CES5A: variants seen among roughly 807,000 people sequenced by gnomAD.
The protein encoded by CES5A is carboxylesterase 5.
A neutral mutation model predicts 62.9 loss-of-function variants in CES5A; 67 were observed. The ratio of observed to expected loss-of-function variants is 1.07; its 90% CI spans 0.88 to 1.31. The LOEUF (loss-of-function observed/expected upper bound fraction) is 1.31, where lower values mean the gene tolerates loss of function less well. Ranked by LOEUF, CES5A falls within the 50% of genes most tolerant of loss-of-function variation. CES5A has a pLI of 0.00. For missense variants in CES5A, 748 were observed against 708.5 expected (o/e 1.06, Z -0.63); for synonymous variants, 296 against 280.8 (o/e 1.05, Z -0.54).
At chr16:55,883,207 G>A (rs1160386569) in intron 1 of CES5A, among the ~76,000 whole-genome samples, 1 of 152,178 alleles carries the variant, frequency 6.6e-6, no homozygotes, top group East Asian at 1.9e-4. Context: ...GCAGCAGCCA[G>A]ACTGATGAAT....
intron 9 of CES5A, among the ~76,000 whole-genome samples, chr16:55,854,544 C>CTTTT (rs56017491): frequency 0.025 from 1,600 of 64,370 alleles, 337 homozygotes; most frequent in African/African-American, 0.1. Context: ...TTTTTTTTTT[C>CTTTT]TTTTTTTTTT....
chr16:55,854,531 C>CTTTTTTTTTTCTTTTTTTTTTTTTTTTT (rs1555479324), intron 9 of CES5A, among the ~76,000 whole-genome samples: 1 of 52,162 alleles, frequency 1.9e-5, no homozygotes, highest in African/African-American at 9.0e-5. Flanking sequence ...TGTAGTGTTT[C>CTTTTTTTTTTCTTTTTTTTTTTTTTTTT]TTTTTTTTTT....
Position 55,856,422 on chromosome 16 carries a change from A to G in CES5A, c.1080T>C (p.Ser360=), listed in dbSNP as rs562371224. 1 of 1,614,094 alleles carries G rather than the reference A, an allele frequency of 6.2e-7. No homozygotes were observed. Among genetic ancestry groups the G allele is most frequent in the African/African-American group, 1.3e-5 (1 of 75,034 alleles). The part of the protein sequence containing the change: ...LPMKEAPEIL[S]GSNKSLALHL... The stretch of plus-strand genomic sequence containing the variant: ...GGAGGGCAAGGGACTTGTTGGAGCC[A>G]CTGAGGATCTCAGGAGCCTCCTTCT... The change falls in exon 9 of 13, where the codon AGT becomes AGC. Residue 360 remains serine (S), a synonymous_variant. Transcript: ENST00000290567.
At chr16:55,869,408 T>G in intron 4 of CES5A, 1 of 990,778 alleles carries the variant, frequency 1.0e-6, no homozygotes, top group Non-Finnish European at 1.4e-6. Flanking sequence ...TTTACCCAAG[T>G]GAGAAAGAGA....
Position 55,852,944 on chromosome 16 carries a change from G to T in CES5A, c.1210C>A (p.Leu404Met). ...HSLTEIRDSLLDLLGDVFFVV... is the reference protein window; with the variant it reads ...HSLTEIRDSLMDLLGDVFFVV... ...AAGAACACATCTCCAAGCAAGTCCAGAAGACTGTCTCGGATTTCAGTCAGG... is the reference window on the plus strand; with the variant it reads ...AAGAACACATCTCCAAGCAAGTCCATAAGACTGTCTCGGATTTCAGTCAGG... The change falls in exon 10 of 13, where the codon CTG (leucine) becomes ATG (methionine). Residue 404 changes from leucine to methionine, a missense_variant. Coordinates refer to ENST00000290567, the MANE Select transcript of CES5A (RefSeq NM_001143685.2). 6.2e-7 allele frequency: 1 copy of T among 1,614,164 alleles called. No individual in the cohort carries two copies. The highest frequency in any genetic ancestry group is 8.5e-7 in the Non-Finnish European group (1 of 1,180,010).
intron 5 of CES5A, 33 bp from the exon 6 acceptor site, chr16:55,863,485 T>C (rs781538832): frequency 9.1e-7 from 1 of 1,095,862 alleles, no homozygotes; most frequent in Non-Finnish European, 1.4e-6. Flanking sequence ...CCAGGAAAGG[T>C]TACTCCCCAC....
chr16:55,915,722 C>A (rs2034141894), intron 1 of CES5A, among the ~76,000 whole-genome samples: 1 of 152,194 alleles, frequency 6.6e-6, no homozygotes, highest in Admixed American at 6.5e-5. Flanking sequence ...ACCTCTGTTT[C>A]ACTTTGACTA....
intron 11 of CES5A, among the ~76,000 whole-genome samples, chr16:55,848,997 A>G (rs2033074715): frequency 1.3e-5 from 2 of 152,206 alleles, no homozygotes. Context: ...TCAAGAGGCC[A>G]GTGTGAATAA....
intron 3 of CES5A, among the ~76,000 whole-genome samples, chr16:55,870,172 GA>G (rs531951421): frequency 9.9e-4 from 151 of 152,256 alleles, no homozygotes; most frequent in African/African-American, 3.5e-3. Flanking sequence ...CGGGAAGATG[GA>G]AACCATTGTA....
intron 1 of CES5A, among the ~76,000 whole-genome samples, chr16:55,920,568 C>T (rs567662370): frequency 2.5e-4 from 38 of 152,304 alleles, no homozygotes; most frequent in African/African-American, 8.4e-4. Flanking sequence ...GACGGCGAAC[C>T]TGGGCTTAAA....
In CES5A at chr16:55,853,032, T is replaced by C. The variant is rs201078901; in HGVS notation, c.1126-4A>G. 13 of 1,613,852 alleles carry C rather than the reference T, an allele frequency of 8.1e-6. No homozygotes were observed. In the African/African-American group the frequency reaches 1.5e-4, roughly 18 times the overall value. On this transcript the variant is annotated splice_region_variant and splice_polypyrimidine_tract_variant and intron_variant, in intron 9 of 12. Transcript: ENST00000290567. ...GCAAATACTGAGGCGGGATGTGCTGTAAAAATATCGTAGTCCTAGGAGATC... is the reference window on the plus strand; with the variant it reads ...GCAAATACTGAGGCGGGATGTGCTGCAAAAATATCGTAGTCCTAGGAGATC...
At chr16:55,928,112 AG>A (rs540696096), upstream of CES5A, among the ~76,000 whole-genome samples, 46 of 152,210 alleles carry the variant, frequency 3.0e-4, no homozygotes, top group Non-Finnish European at 5.3e-4. Flanking sequence ...GCGTGGTGGC[AG>A]GTGCCTATAG....
At chr16:55,849,587 G>T (rs756694045) in intron 11 of CES5A, 37 bp downstream of exon 11, 2 of 1,608,482 alleles carry the variant, frequency 1.2e-6, no homozygotes, top group South Asian at 2.2e-5. Context: ...TAAGCAAGGG[G>T]CTTCATGTGA....
intron 1 of CES5A, among the ~76,000 whole-genome samples, chr16:55,886,097 G>A (rs76542890): frequency 6.6e-6 from 1 of 152,308 alleles, no homozygotes; most frequent in Non-Finnish European, 1.5e-5. Context: ...CATATGGACT[G>A]CCCTAAGAAG....
Position 55,863,267 on chromosome 16 carries a change from AAC to A in CES5A, c.810+79_810+80del, listed in dbSNP as rs1176446060. The A allele has an allele frequency of 3.0e-5, 25 of 825,230 alleles. No homozygotes were observed. In the African/African-American group the frequency reaches 3.5e-4, roughly 12 times the overall value. 51.1% of individuals were successfully genotyped at this position (825,230 alleles called of 1,614,324 possible). ...TGGGCATGGTCACTAAGGAAAGCCA[AAC>A]ACATGGTGAGAAGGTGCCTGACCAC... On this transcript the variant is annotated intron_variant, in intron 6 of 12. Transcript: ENST00000290567.
chr16:55,945,388 G>A (rs1156642482), intron 2 of CES5A, among the ~76,000 whole-genome samples: 1 of 152,256 alleles, frequency 6.6e-6, no homozygotes, highest in Non-Finnish European at 1.5e-5. Context: ...GACTCCAGGA[G>A]CGCTGCCTTC....
chr16:55,861,988 C>T lies in CES5A; in HGVS notation c.811-472G>A, dbSNP rs150589287. 9.4e-3 allele frequency among the ~76,000 whole-genome samples: 1,431 copies of T among 152,222 alleles called. 31 individuals are homozygous for T. Among genetic ancestry groups the T allele is most frequent in the African/African-American group, 0.033 (1,378 of 41,526 alleles). ...CAGATTCTCAGCTTGTCAGCCCTGC[C>T]CAAGCCCCAGGCCCACTCACAGCCT... On this transcript the variant is annotated intron_variant, in intron 6 of 12. Coordinates refer to ENST00000290567, the MANE Select transcript of CES5A (RefSeq NM_001143685.2).
chr16:55,942,995 T>C (rs1417057581), intron 2 of CES5A, among the ~76,000 whole-genome samples: 4 of 152,230 alleles, frequency 2.6e-5, no homozygotes, highest in African/African-American at 9.6e-5. Flanking sequence ...GAACAGTGGT[T>C]GCCTGCGGGC....
In CES5A at chr16:55,866,672, AAAAAAATAC is replaced by A. The variant is rs1240726655; in HGVS notation, c.552-565_552-557del. ...TCTGTCTCTGCTAAAAAAAAAAAAA[AAAAAAATAC>A]AAAAAAATTAGCTGGACACGGTGGC... On this transcript the variant is annotated intron_variant, in intron 4 of 12. Transcript: ENST00000290567. Among the ~76,000 whole-genome samples, 53 of 138,944 alleles carry A rather than the reference AAAAAAATAC, an allele frequency of 3.8e-4. 9 individuals carry two copies. Among genetic ancestry groups the A allele is most frequent in the Non-Finnish European group, 7.1e-4 (45 of 63,152 alleles). 91.2% of individuals were successfully genotyped at this position (138,944 alleles called of 152,430 possible).
Sources: gnomAD v4.1 joint callset for allele counts (sites outside exome capture counted in the v4.1 genomes callset) on GRCh38, gnomAD v4.1.1 for gene constraint, MANE v1.5 for transcripts, NCBI Gene and HGNC (gene_info 2026-07-23, HGNC 2026-07-21) for gene names.